The following EIF2AK4 variants were observed in gnomAD, a reference collection of about 807,000 sequenced individuals.
EIF2AK4 encodes eukaryotic translation initiation factor 2 alpha kinase 4, also known as eIF-2-alpha kinase GCN2.
EIF2AK4 carries 139 observed loss-of-function variants against 211.1 expected under a neutral mutation model. The ratio of observed to expected loss-of-function variants is 0.66; its 90% CI spans 0.57 to 0.76. The LOEUF is 0.76. Ranked by LOEUF, EIF2AK4 falls within the 30% of genes least tolerant of loss-of-function variation. The pLI is 0.00. For synonymous variants in EIF2AK4, 710 were observed against 751.3 expected, an observed-to-expected ratio of 0.94 and a Z score of 0.90; for missense variants, 1,664 against 2,043.8, an observed-to-expected ratio of 0.81 and a Z score of 3.58.
intron 13 of EIF2AK4, among the ~76,000 whole-genome samples, chr15:39,978,942 A>C (rs1566992564): frequency 6.6e-6 from 1 of 152,228 alleles, no homozygotes; most frequent in Non-Finnish European, 1.5e-5. Flanking sequence ...AAGTCACTAC[A>C]CAGAAAAGAT....
intron 26 of EIF2AK4, 36 bp from the exon 27 acceptor site, chr15:40,011,245 C>A (rs764326629): frequency 1.3e-6 from 2 of 1,591,544 alleles, no homozygotes; most frequent in South Asian, 2.2e-5. Context: ...TGCCAGATTT[C>A]GCGACTCTCA....
chr15:40,032,089 G>A (rs1450288517), intron 35 of EIF2AK4, 80 bp from the exon 36 acceptor site: 2 of 1,193,126 alleles, frequency 1.7e-6, no homozygotes, highest in African/African-American at 3.0e-5. Context: ...CCCTGTGATT[G>A]TATCCTGGGA....
chr15:40,004,831 C>T lies in EIF2AK4; in HGVS notation c.3357+1517C>T, dbSNP rs557410024. On this transcript the variant is annotated intron_variant, in intron 23 of 38. Coordinates refer to ENST00000263791, the MANE Select transcript of EIF2AK4 (RefSeq NM_001013703.4). ...TCAGCCTCCCAAAATACTGGAATTA[C>T]AGGCATGAGCCGCCATGCCCAGCCA... Among the ~76,000 whole-genome samples the T allele has an allele frequency of 1.1e-4, 16 of 152,312 alleles. No homozygotes were observed. The South Asian group carries it at 1.9e-3, about 18-fold the overall frequency.
intron 37 of EIF2AK4, among the ~76,000 whole-genome samples, chr15:40,033,647 G>A (rs1384208837): frequency 6.6e-6 from 1 of 152,142 alleles, no homozygotes; most frequent in Non-Finnish European, 1.5e-5. Context: ...TTACAAATAA[G>A]CATATACCAC....
chr15:39,988,084 A>T lies in EIF2AK4; in HGVS notation c.2505A>T (p.Gly835=). 2.5e-6 allele frequency: 4 copies of T among 1,614,156 alleles called. No homozygotes were observed. Residue 835 remains glycine (G), a synonymous_variant, in exon 15 of 39, where the codon GGA becomes GGT. Transcript: ENST00000263791. ...GGCTTTTTCGAGAGATTCTGGATGG[A>T]TTAGCTTATATCCATGAGAAAGTAA... ...LWRLFREILD[G]LAYIHEKGMI...
Position 40,000,994 on chromosome 15 carries a change from G to T in EIF2AK4, c.2929G>T (p.Val977Phe). The T allele has an allele frequency of 6.2e-7, 1 of 1,614,174 alleles. No homozygotes were observed. Residue 977 changes from valine (V) to phenylalanine (F), a missense_variant, in exon 21 of 39, where the codon GTC becomes TTC. Val to Phe is a conservative substitution (Grantham distance 50). Coordinates refer to ENST00000263791, the MANE Select transcript of EIF2AK4 (RefSeq NM_001013703.4). ...DDGEHAKQKSVISWLLNHDPA... is the reference protein window; with the variant it reads ...DDGEHAKQKSFISWLLNHDPA... Reference sequence around the variant, plus strand: ...TGCCTGGGTTTTATTGTAGAAATCAGTCATCTCCTGGCTGTTGAACCACGA... The same window carrying T: ...TGCCTGGGTTTTATTGTAGAAATCATTCATCTCCTGGCTGTTGAACCACGA...
intron 7 of EIF2AK4, among the ~76,000 whole-genome samples, chr15:39,964,122 C>T (rs1292914169): frequency 6.6e-6 from 1 of 152,172 alleles, no homozygotes; most frequent in Non-Finnish European, 1.5e-5. Context: ...TAATTAAAAT[C>T]TCTAAATTAT....
intron 30 of EIF2AK4, 47 bp from the exon 31 acceptor site, chr15:40,020,852 C>T: frequency 6.6e-7 from 1 of 1,519,332 alleles, no homozygotes; most frequent in Non-Finnish European, 8.9e-7. Context: ...CACTTCCATG[C>T]CTGCAGTCTT....
chr15:40,032,157 C>G lies in EIF2AK4; in HGVS notation c.4660-12C>G. 1 of 1,609,082 alleles carries G rather than the reference C, an allele frequency of 6.2e-7. No homozygotes were observed. The highest frequency in any genetic ancestry group is 8.5e-7 in the Non-Finnish European group (1 of 1,175,494). On this transcript the variant is annotated splice_polypyrimidine_tract_variant and intron_variant, in intron 35 of 38. Coordinates refer to ENST00000263791, the MANE Select transcript of EIF2AK4 (RefSeq NM_001013703.4). The stretch of plus-strand genomic sequence containing the variant: ...TTTAACATGTTCTGAATTCCATTTT[C>G]TTACTATTTAGGTACAAACTCGACT...
intron 19 of EIF2AK4, 116 bp downstream of exon 19, chr15:39,997,181 C>T: frequency 2.7e-6 from 2 of 749,870 alleles, no homozygotes; most frequent in Non-Finnish European, 4.5e-6. Flanking sequence ...GGCTGCCCTA[C>T]TGTAATTTTA....
chr15:40,013,989 G>A lies in EIF2AK4; in HGVS notation c.3760-2513G>A, dbSNP rs865885257. 4.6e-5 allele frequency among the ~76,000 whole-genome samples: 7 copies of A among 152,274 alleles called. No homozygotes were observed. The South Asian group carries it at 6.2e-4, about 13-fold the overall frequency. On this transcript the variant is annotated intron_variant, in intron 27 of 38. Transcript: ENST00000263791. ...GTGAGTTACTTCCTGGATACAATGA[G>A]AGTACAGGCATTGGATAAATACACC... is the stretch of plus-strand genomic sequence containing the variant.
rs549524124 is a variant in EIF2AK4, at chr15:39,980,876, A to G, written c.2319+2729A>G. ...GCCTGCAATGACTTTATTACCAGGA[A>G]TAAAAATATAATTACCAGCAGTTAC... On this transcript the variant is annotated intron_variant, in intron 13 of 38. Transcript: ENST00000263791. 1.8e-4 allele frequency among the ~76,000 whole-genome samples: 27 copies of G among 152,312 alleles called. No individual in the cohort carries two copies. The South Asian group carries it at 5.6e-3, about 32-fold the overall frequency.
chr15:40,002,448 C>T, intron 21 of EIF2AK4: 1 of 403,796 alleles, frequency 2.5e-6, no homozygotes, highest in Non-Finnish European at 4.5e-6. Flanking sequence ...CTCTGAAAGG[C>T]AAATATCAAT....
chr15:40,011,258 GTTACC>G lies in EIF2AK4; in HGVS notation c.3694-20_3694-16del. On this transcript the variant is annotated intron_variant, in intron 26 of 38. Coordinates refer to ENST00000263791, the MANE Select transcript of EIF2AK4 (RefSeq NM_001013703.4). ...AGTGCCAGATTTCGCGACTCTCATT[GTTACC>G]TTTTTCTTCCACGTTAGACAGAGAA... 6.2e-7 allele frequency: 1 copy of G among 1,611,818 alleles called. No homozygotes were observed. The highest frequency in any genetic ancestry group is 1.1e-5 in the South Asian group (1 of 90,750).
chr15:39,998,686 G>C, intron 19 of EIF2AK4, 45 bp from the exon 20 acceptor site: 1 of 1,454,370 alleles, frequency 6.9e-7, no homozygotes, highest in South Asian at 1.2e-5. Context: ...TGCTTTCACT[G>C]TGGCAGTCTG....
At chr15:39,966,611 C>T (rs1007545243) in intron 8 of EIF2AK4, among the ~76,000 whole-genome samples, 2 of 151,796 alleles carry the variant, frequency 1.3e-5, no homozygotes, top group African/African-American at 4.8e-5. Flanking sequence ...ATAAGGAGAA[C>T]ATTCAGTATT....
Position 40,034,552 on chromosome 15 carries a change from C to A in EIF2AK4, c.4892+108C>A, listed in dbSNP as rs186399020. The A allele has an allele frequency of 2.5e-3, 2,084 of 818,494 alleles. 9 individuals are homozygous for A. The highest frequency in any genetic ancestry group is 0.012 in the Middle Eastern group (33 of 2,798). 50.7% of individuals were successfully genotyped at this position (818,494 alleles called of 1,614,324 possible). Reference sequence around the variant, plus strand: ...TTGTTGAGGTTTGACGCCTGGTAAGCTGTTCTTAGAATTGCAGCTGACAAC... The same window carrying A: ...TTGTTGAGGTTTGACGCCTGGTAAGATGTTCTTAGAATTGCAGCTGACAAC... On this transcript the variant is annotated intron_variant, in intron 38 of 38. Coordinates refer to ENST00000263791, the MANE Select transcript of EIF2AK4 (RefSeq NM_001013703.4).
At chr15:39,989,712 A>G (rs1362119358) in intron 15 of EIF2AK4, among the ~76,000 whole-genome samples, 1 of 152,270 alleles carries the variant, frequency 6.6e-6, no homozygotes, top group Admixed American at 6.5e-5. Context: ...AATGCATGAA[A>G]CAATACAGAT....
intron 27 of EIF2AK4, among the ~76,000 whole-genome samples, chr15:40,016,170 T>G (rs1194124374): frequency 2.0e-5 from 3 of 152,132 alleles, no homozygotes; most frequent in Non-Finnish European, 4.4e-5. Flanking sequence ...ATAAGAAAGG[T>G]AAAGAGGAAA....
Sources: allele counts gnomAD v4.1 joint callset (sites outside exome capture counted in the v4.1 genomes callset), GRCh38; gene constraint gnomAD v4.1.1; transcripts MANE v1.5; gene names NCBI Gene and HGNC (gene_info 2026-07-23, HGNC 2026-07-21).